The following UNC80 variants were observed in gnomAD, a reference collection of about 807,000 sequenced individuals.
UNC80 encodes unc-80 subunit of NALCN channel complex.
UNC80 carries 164 observed loss-of-function variants against 384.6 expected under a neutral mutation model. That is an observed-to-expected ratio of 0.43 (90% CI 0.38 to 0.49). The LOEUF is 0.49. Ranked by LOEUF, UNC80 falls within the 20% of genes least tolerant of loss-of-function variation. The probability of loss-of-function intolerance (pLI) is 0.00; values close to 1 mark genes in which losing one functional copy is unlikely to be tolerated. For synonymous variants in UNC80, 1,486 were observed against 1,527.8 expected (o/e 0.97, Z 0.64); for missense variants, 3,330 against 4,143.0 (o/e 0.80, Z 5.39).
chr2:209,788,656 A>G (rs2077608830), intron 5 of UNC80, among the ~76,000 whole-genome samples: 1 of 144,458 alleles, frequency 6.9e-6, no homozygotes, highest in South Asian at 2.1e-4. Context: ...AGCTTATAGA[A>G]TAAAGTTATA....
At chr2:209,917,670 G>A in intron 31 of UNC80, 107 bp from the exon 32 acceptor site, 4 of 1,347,386 alleles carry the variant, frequency 3.0e-6, no homozygotes, top group Non-Finnish European at 3.0e-6. Context: ...GCTCCATATA[G>A]CTCAGGAGTC....
At position 209,815,293 on chromosome 2, in the gene UNC80, CTT is replaced by C; in HGVS notation, c.1238_1239del (p.Leu413GlnfsTer3). 6.4e-7 allele frequency: 1 copy of C among 1,551,688 alleles called. No homozygotes were observed. ...GAAGTGTAACGAGGAGGAAAAATCT[CTT>C]AGCTCTGAGGCCTTTTCCAAGGTTT... ...TMKCNEEEKS[L>X]SSEAFSKVSL... On this transcript the variant is annotated frameshift_variant, in exon 9 of 65. Coordinates refer to ENST00000673920, the MANE Select transcript of UNC80 (RefSeq NM_001371986.1). LOFTEE classifies it high-confidence loss of function.
chr2:209,873,005 T>C lies in UNC80; in HGVS notation c.3840+35T>C, dbSNP rs1013824996. 2.3e-5 allele frequency: 36 copies of C among 1,537,938 alleles called. No homozygotes were observed. In the African/African-American group the frequency reaches 4.1e-4, roughly 18 times the overall value. On this transcript the variant is annotated intron_variant, in intron 23 of 64. Transcript: ENST00000673920. ...CGGTTTTCTTCTATAACAATTAGGT[T>C]GCTTAAGTGAAGTGGAGTCATTTTT...
intron 3 of UNC80, 106 bp downstream of exon 3, chr2:209,776,151 ATATAT>A: frequency 5.1e-6 from 7 of 1,363,152 alleles, no homozygotes; most frequent in Non-Finnish European, 6.9e-6. Context: ...AGCACTGTGC[ATATAT>A]TATCTCATTT....
At chr2:209,947,768 T>TA (rs931154171) in intron 47 of UNC80, among the ~76,000 whole-genome samples, 5 of 152,130 alleles carry the variant, frequency 3.3e-5, no homozygotes, top group Admixed American at 6.5e-5. Flanking sequence ...CATAAAACAC[T>TA]AAAAAAATCA....
chr2:209,911,131 A>C (rs2088888750), intron 29 of UNC80, among the ~76,000 whole-genome samples: 1 of 152,126 alleles, frequency 6.6e-6, no homozygotes, highest in South Asian at 2.1e-4. Context: ...GGCAGGAGAG[A>C]GAATGAGTGC....
chr2:209,829,152 A>G (rs2080769825), intron 14 of UNC80, 80 bp from the exon 15 acceptor site: 6 of 1,501,594 alleles, frequency 4.0e-6, no homozygotes, highest in South Asian at 2.6e-5. Context: ...TTGCCTTCTG[A>G]AGGCTTCTGT....
Position 209,772,024 on chromosome 2 carries a change from C to A in UNC80, c.-49C>A. 4.3e-6 allele frequency: 6 copies of A among 1,400,790 alleles called. No homozygotes were observed. The highest frequency in any genetic ancestry group is 5.9e-6 in the Non-Finnish European group (6 of 1,012,544). 86.8% of individuals were successfully genotyped at this position (1,400,790 alleles called of 1,614,324 possible). ...GGGAGGAGGCGGCGGCGGCGGCTAG[C>A]GAGGAGACAGAGCTGGGTCCTGCAG... On this transcript the variant is annotated 5_prime_UTR_variant, in exon 1 of 65. Transcript: ENST00000673920.
intron 2 of UNC80, among the ~76,000 whole-genome samples, chr2:209,775,545 A>G (rs11887161): frequency 0.14 from 20,560 of 152,184 alleles, 1,995 homozygotes; most frequent in African/African-American, 0.26. Flanking sequence ...ATTTTATAAA[A>G]TATACATCCA....
At chr2:209,943,716 C>T (rs2091770217) in intron 45 of UNC80, among the ~76,000 whole-genome samples, 2 of 152,120 alleles carry the variant, frequency 1.3e-5, no homozygotes, top group African/African-American at 2.4e-5. Context: ...AGCTATTGGC[C>T]TGGGGAAGCT....
rs1450164895 is a variant in UNC80 at position 209,772,998 on chromosome 2, A to G, written c.93-96A>G. ...AGGAAGCATGAAATTTGAATTTCAT[A>G]GCATCCTGTCTTATTCATTGAAAAA... is the stretch of plus-strand genomic sequence containing the variant. On this transcript the variant is annotated intron_variant, in intron 1 of 64. Transcript: ENST00000673920. 7 of 976,548 alleles carry G rather than the reference A, an allele frequency of 7.2e-6. No homozygotes were observed. In the Admixed American group the frequency reaches 1.6e-4, roughly 22 times the overall value. 60.5% of individuals were successfully genotyped at this position (976,548 alleles called of 1,614,324 possible). A position where few individuals can be genotyped will look rare whatever the true frequency, so the allele number is the denominator to read the frequency against.
intron 20 of UNC80, among the ~76,000 whole-genome samples, chr2:209,841,778 A>G (rs2081774640): frequency 6.6e-6 from 1 of 152,214 alleles, no homozygotes; most frequent in South Asian, 2.1e-4. Flanking sequence ...TTGCTAAAAA[A>G]CATAAGTCAT....
At chr2:209,973,676 T>TA (rs981153236) in intron 56 of UNC80, among the ~76,000 whole-genome samples, 6 of 152,338 alleles carry the variant, frequency 3.9e-5, no homozygotes, top group East Asian at 3.9e-4. Flanking sequence ...CAGTAGCTGT[T>TA]ATAAGATCTA....
Position 209,917,795 on chromosome 2 carries a change from G to A in UNC80, c.5048G>A (p.Cys1683Tyr). Residue 1683 changes from cysteine (C) to tyrosine (Y), a missense_variant, in exon 32 of 65, where the codon TGT becomes TAT. Around this residue, in one of 8 missense-constraint regions of UNC80, gnomAD observed 801 missense variants for 950.8 expected, o/e 0.84. Coordinates refer to ENST00000673920, the MANE Select transcript of UNC80 (RefSeq NM_001371986.1). ...TCTCTAGCTGCCATGTTCCTGCTGT[G>A]TGCAGTGAAGGTGCCTGAGGCCGTG... ...AGAAAAMFLL[C>Y]AVKVPEAVSD... 2 of 1,552,114 alleles carry A rather than the reference G, an allele frequency of 1.3e-6. No individual in the cohort carries two copies. Among genetic ancestry groups the A allele is most frequent in the African/African-American group, 2.7e-5 (2 of 73,174 alleles).
At chr2:209,924,954 C>T (rs972492132) in intron 35 of UNC80, among the ~76,000 whole-genome samples, 1 of 152,026 alleles carries the variant, frequency 6.6e-6, no homozygotes, top group Non-Finnish European at 1.5e-5. Flanking sequence ...TCTGCCCATC[C>T]AGTGGCTGCT....
In UNC80 at chr2:209,826,035, C is replaced by A. The variant is rs535847891; in HGVS notation, c.2460C>A (p.His820Gln). ...HRGLSGDRLRHQVFRENAQNC... is the reference protein window; with the variant it reads ...HRGLSGDRLRQQVFRENAQNC... ...GGCTCTCTGGAGATCGTCTGAGACA[C>A]CAGGTATTCCGAGAGAATGTAAGAG... The change falls in exon 14 of 65, where the codon CAC (histidine) becomes CAA (glutamine). Residue 820 changes from histidine to glutamine, a missense_variant. This residue lies in a region of UNC80 where 937 missense variants were observed against 1,026.8 expected (regional missense o/e 0.91). Transcript: ENST00000673920. The A allele has an allele frequency of 7.8e-5, 120 of 1,548,316 alleles. 1 individual carries two copies. In the South Asian group the frequency reaches 1.4e-3, roughly 18 times the overall value.
intron 59 of UNC80, among the ~76,000 whole-genome samples, chr2:209,979,110 G>A (rs1311001624): frequency 6.6e-6 from 1 of 152,050 alleles, no homozygotes; most frequent in African/African-American, 2.4e-5. Context: ...CTAGCTGAGT[G>A]TGTTGGTGTG....
intron 35 of UNC80, among the ~76,000 whole-genome samples, chr2:209,925,667 G>A (rs2090376449): frequency 6.6e-6 from 1 of 152,054 alleles, no homozygotes; most frequent in Non-Finnish European, 1.5e-5. Flanking sequence ...TAGACACAGA[G>A]CACTGACTGG....
At chr2:209,896,291 T>C in intron 27 of UNC80, 22 bp from the exon 28 acceptor site, 1 of 1,547,970 alleles carries the variant, frequency 6.5e-7, no homozygotes, top group Non-Finnish European at 8.7e-7. Flanking sequence ...CTGAAACCTT[T>C]CTTGGTATTT....
Sources: gnomAD v4.1 joint callset for allele counts (sites outside exome capture counted in the v4.1 genomes callset) on GRCh38, gnomAD v4.1.1 for gene constraint, gnomAD v4.1.1 regional missense constraint, MANE v1.5 for transcripts, NCBI Gene and HGNC (gene_info 2026-07-23, HGNC 2026-07-21) for gene names.